The following CALN1 variants were observed in gnomAD, a reference collection of about 807,000 sequenced individuals.
CALN1 encodes calcium-binding protein 8.
In CALN1, 17 loss-of-function variants were observed where a neutral mutation model predicts 30.6. That is an observed-to-expected ratio of 0.56 (90% confidence interval 0.38 to 0.83). The LOEUF (loss-of-function observed/expected upper bound fraction) is 0.83. CALN1 is among the 40% of genes least tolerant of loss of function. CALN1 has a pLI of 0.00. For missense variants in CALN1, 291 were observed against 354.9 expected, an observed-to-expected ratio of 0.82 and a Z score of 1.45; for synonymous variants, 156 against 131.4, an observed-to-expected ratio of 1.19 and a Z score of -1.28.
chr7:72,270,457 CA>C (rs1312714958), intron 3 of CALN1, among the ~76,000 whole-genome samples: 3 of 151,894 alleles, frequency 2.0e-5, no homozygotes, highest in South Asian at 2.1e-4. Context: ...TGTATATACA[CA>C]AAAAAAGAAG....
intron 3 of CALN1, among the ~76,000 whole-genome samples, chr7:72,179,837 A>G (rs1338686167): frequency 3.3e-5 from 5 of 152,190 alleles, no homozygotes; most frequent in Non-Finnish European, 5.9e-5. Flanking sequence ...ACATTTTCTT[A>G]TGTAAAAAAG....
intron 4 of CALN1, among the ~76,000 whole-genome samples, chr7:72,090,135 TA>T (rs557538964): frequency 2.3e-4 from 35 of 151,798 alleles, no homozygotes; most frequent in Admixed American, 2.0e-3. Flanking sequence ...CCATGTCTAC[TA>T]AAAAAAAGTA....
At chr7:72,497,601 C>T in the CALN1 span, among the ~76,000 whole-genome samples, 1 of 152,134 alleles carries the variant, frequency 6.6e-6, no homozygotes, top group Admixed American at 6.6e-5. Flanking sequence ...TAGAAACGAG[C>T]AAAATCAAAA....
chr7:72,171,837 AAC>A (rs561830982), intron 3 of CALN1, among the ~76,000 whole-genome samples: 1 of 152,156 alleles, frequency 6.6e-6, no homozygotes, highest in Non-Finnish European at 1.5e-5. Flanking sequence ...TTACCATTTA[AAC>A]ACACACACAG....
chr7:72,121,178 A>ATATATTATGTAT (rs1808352485), intron 3 of CALN1, among the ~76,000 whole-genome samples: 1 of 144,686 alleles, frequency 6.9e-6, no homozygotes, highest in Non-Finnish European at 1.5e-5. Context: ...ATATATAATT[A>ATATATTATGTAT]TATATTATGT....
chr7:72,190,153 C>T (rs923306154), intron 3 of CALN1, among the ~76,000 whole-genome samples: 6 of 152,100 alleles, frequency 3.9e-5, no homozygotes. Flanking sequence ...GTCAGGAGTT[C>T]GAGATCAGCC....
At position 71,978,332 on chromosome 7, in the gene CALN1, C is replaced by T. The variant is rs958723808; in HGVS notation, c.501+45325G>A. ...TGTCACCCAGGCTGGAGGGCAATGG[C>T]GCTATCTCGGCTCACTGCAAGCTCC... On this transcript the variant is annotated intron_variant, in intron 5 of 6. Coordinates refer to ENST00000395275, the MANE Select transcript of CALN1 (RefSeq NM_031468.4). 1.5e-4 allele frequency among the ~76,000 whole-genome samples: 20 copies of T among 129,876 alleles called. No individual in the cohort carries two copies. In the Middle Eastern group the frequency reaches 0.022, roughly 143 times the overall value. 85.2% of individuals were successfully genotyped at this position (129,876 alleles called of 152,430 possible). A position where few individuals can be genotyped will look rare whatever the true frequency, so the allele number is the denominator to read the frequency against.
intron 3 of CALN1, among the ~76,000 whole-genome samples, chr7:72,204,254 C>T (rs1004911072): frequency 6.6e-6 from 1 of 151,868 alleles, no homozygotes; most frequent in African/African-American, 2.4e-5. Flanking sequence ...CTCAGCCTCC[C>T]AAAGTGCTGG....
At chr7:71,872,543 C>T (rs1353902826) in intron 5 of CALN1, among the ~76,000 whole-genome samples, 1 of 152,084 alleles carries the variant, frequency 6.6e-6, no homozygotes, top group African/African-American at 2.4e-5. Context: ...TTATTGTCTA[C>T]TAAATGACTG....
At chr7:72,169,972 C>T (rs1435633228) in intron 3 of CALN1, among the ~76,000 whole-genome samples, 3 of 151,596 alleles carry the variant, frequency 2.0e-5, no homozygotes, top group Non-Finnish European at 2.9e-5. Context: ...GGATTACGGG[C>T]GTGAGACACC....
the CALN1 span, among the ~76,000 whole-genome samples, chr7:72,472,883 G>A: frequency 6.6e-6 from 1 of 152,224 alleles, no homozygotes; most frequent in African/African-American, 2.4e-5. Flanking sequence ...ACATTGGCCA[G>A]GATTTGGCTT....
chr7:72,497,005 G>A, the CALN1 span, among the ~76,000 whole-genome samples: 1 of 152,204 alleles, frequency 6.6e-6, no homozygotes, highest in African/African-American at 2.4e-5. Context: ...AAATCCTTAT[G>A]TAAGTACGCT....
At chr7:72,181,754 C>A (rs1373997756) in intron 3 of CALN1, among the ~76,000 whole-genome samples, 1 of 152,128 alleles carries the variant, frequency 6.6e-6, no homozygotes, top group Non-Finnish European at 1.5e-5. Context: ...GGATTACGGG[C>A]ATGAGCCACC....
chr7:72,409,130 G>C (rs1449150724), intron 1 of CALN1, among the ~76,000 whole-genome samples: 1 of 151,800 alleles, frequency 6.6e-6, no homozygotes, highest in African/African-American at 2.4e-5. Context: ...CCAGTAGCTG[G>C]GATTACAGGC....
intron 2 of CALN1, among the ~76,000 whole-genome samples, chr7:72,294,305 C>T (rs1798696734): frequency 6.6e-6 from 1 of 152,054 alleles, no homozygotes. Context: ...TCAAACAATT[C>T]AAACTAAAAA....
chr7:72,399,447 T>A (rs1485772744), intron 2 of CALN1, among the ~76,000 whole-genome samples: 1 of 151,918 alleles, frequency 6.6e-6, no homozygotes, highest in African/African-American at 2.4e-5. Context: ...ATTTTTGTAT[T>A]TTTAGTAGAG....
intron 3 of CALN1, among the ~76,000 whole-genome samples, chr7:72,212,062 C>T (rs147476553): frequency 6.6e-6 from 1 of 151,936 alleles, no homozygotes; most frequent in Non-Finnish European, 1.5e-5. Context: ...CTGTTAAATA[C>T]CAGAGAGGGG....
intron 2 of CALN1, among the ~76,000 whole-genome samples, chr7:72,321,326 C>T (rs1408075998): frequency 3.9e-5 from 6 of 152,120 alleles, no homozygotes; most frequent in South Asian, 2.1e-4. Flanking sequence ...AAGGATCCAA[C>T]GAAATACAAC....
intron 5 of CALN1, among the ~76,000 whole-genome samples, chr7:71,835,001 T>G (rs1789521252): frequency 6.6e-6 from 1 of 152,046 alleles, no homozygotes; most frequent in Admixed American, 6.6e-5. Flanking sequence ...CCAGGTAATT[T>G]TAAAAAAAAT....
Sources: allele counts gnomAD v4.1 joint callset (sites outside exome capture counted in the v4.1 genomes callset), GRCh38; gene constraint gnomAD v4.1.1; transcripts MANE v1.5; gene names NCBI Gene and HGNC (gene_info 2026-07-23, HGNC 2026-07-21).